TSEN15: variants seen among roughly 807,000 people sequenced by gnomAD.
TSEN15 encodes the protein tRNA-splicing endonuclease subunit Sen15.
TSEN15 carries 10 observed loss-of-function variants against 20.5 expected under a neutral mutation model. That is an observed-to-expected ratio of 0.49 (90% CI 0.30 to 0.83). The LOEUF (loss-of-function observed/expected upper bound fraction) is 0.83. TSEN15 is among the 40% of genes least tolerant of loss of function. The pLI, the probability that TSEN15 is intolerant of heterozygous loss-of-function variation, is 0.06. For missense variants in TSEN15, 180 were observed against 218.6 expected, an observed-to-expected ratio of 0.82 and a Z score of 1.11; for synonymous variants, 72 against 80.1, an observed-to-expected ratio of 0.90 and a Z score of 0.54.
At chr1:184,080,332 G>A (rs1047898207) in intron 3 of TSEN15, among the ~76,000 whole-genome samples, 2 of 152,192 alleles carry the variant, frequency 1.3e-5, no homozygotes, top group African/African-American at 4.8e-5. Flanking sequence ...GGCACAAGTG[G>A]TTAAGTAATA....
intron 3 of TSEN15, among the ~76,000 whole-genome samples, chr1:184,068,699 C>T (rs1040906689): frequency 6.6e-6 from 1 of 152,152 alleles, no homozygotes; most frequent in African/African-American, 2.4e-5. Context: ...GGGACTGAGC[C>T]TGTGGATGAA....
chr1:184,086,038 G>A (rs1651256021), intron 3 of TSEN15, among the ~76,000 whole-genome samples: 2 of 152,140 alleles, frequency 1.3e-5, no homozygotes, highest in South Asian at 2.1e-4. Context: ...TATCAACAGT[G>A]TTTTCCTCAG....
At chr1:184,072,534 A>G (rs2102895654) in intron 4 of TSEN15, 1 of 550,356 alleles carries the variant, frequency 1.8e-6, no homozygotes, top group South Asian at 2.9e-5. Context: ...GGAGAATTTC[A>G]TGGTTTTCCA....
intron 3 of TSEN15, among the ~76,000 whole-genome samples, chr1:184,067,017 TATG>T (rs1240481857): frequency 6.6e-6 from 1 of 152,244 alleles, no homozygotes; most frequent in Non-Finnish European, 1.5e-5. Context: ...ATTTATCTTT[TATG>T]ATGCTGATGT....
chr1:184,054,424 A>G lies in TSEN15; in HGVS notation c.206A>G (p.Asp69Gly). 1 of 1,608,734 alleles carries G rather than the reference A, an allele frequency of 6.2e-7. No homozygotes were observed. Among genetic ancestry groups the G allele is most frequent in the Non-Finnish European group, 8.5e-7 (1 of 1,175,472 alleles). Reference protein sequence around the residue: ...QVYVAFLVYLDLMESKSWHEV... With the variant: ...QVYVAFLVYLGLMESKSWHEV... Reference sequence around the variant, plus strand: ...TATGTAGCGTTCTTGGTTTACCTGGACCTCATGGAAAGTAAGTTGTTTGTT... The same window carrying G: ...TATGTAGCGTTCTTGGTTTACCTGGGCCTCATGGAAAGTAAGTTGTTTGTT... Residue 69 changes from aspartate (D) to glycine (G), a missense_variant, in exon 2 of 5, where the codon GAC (aspartate) becomes GGC (glycine). Physicochemically the swap from Asp to Gly is moderately conservative, Grantham distance 94 (BLOSUM62 -1). Coordinates refer to ENST00000645668, the MANE Select transcript of TSEN15 (RefSeq NM_052965.4).
At chr1:184,082,088 T>A (rs922492065) in intron 3 of TSEN15, among the ~76,000 whole-genome samples, 39 of 152,272 alleles carry the variant, frequency 2.6e-4, no homozygotes, top group Middle Eastern at 6.8e-3. Context: ...TGGCAACTCT[T>A]CTGGGATGGA....
Position 184,072,149 on chromosome 1 carries a change from A to AT in TSEN15, c.354-4dup. The AT allele has an allele frequency of 6.2e-7, 1 of 1,612,552 alleles. No individual in the cohort carries two copies. Among genetic ancestry groups the AT allele is most frequent in the Non-Finnish European group, 8.5e-7 (1 of 1,179,244 alleles). ...CAACTCCTAAGTATATTGTGACTTT[A>AT]TTTTCAGGATAAGGGAGATCTTGAA... On this transcript the variant is annotated splice_polypyrimidine_tract_variant and splice_region_variant and intron_variant, in intron 3 of 4. Coordinates refer to ENST00000645668, the MANE Select transcript of TSEN15 (RefSeq NM_052965.4).
chr1:184,067,941 AAT>A (rs58463457), intron 3 of TSEN15, among the ~76,000 whole-genome samples: 7,825 of 94,100 alleles, frequency 0.083, 570 homozygotes, highest in Middle Eastern at 0.18. Context: ...AAAAAAAAAA[AAT>A]ATATATATAT....
intron 3 of TSEN15, chr1:184,058,229 AATG>A: frequency 2.4e-6 from 1 of 423,394 alleles, no homozygotes; most frequent in Non-Finnish European, 4.7e-6. Context: ...AATTAGTTGG[AATG>A]ATAACTTGGT....
At chr1:184,074,286 C>T (rs1427986381), downstream of TSEN15, 1 of 152,238 alleles carries the variant, frequency 6.6e-6, no homozygotes, top group East Asian at 1.9e-4. Flanking sequence ...CTTAAAACAG[C>T]ACACATTTAT....
chr1:184,088,148 C>G (rs549811125), intron 3 of TSEN15, among the ~76,000 whole-genome samples: 7 of 152,188 alleles, frequency 4.6e-5, no homozygotes, highest in Non-Finnish European at 1.0e-4. Flanking sequence ...TGGGCACCAG[C>G]CAGGGAGGTC....
At chr1:184,079,092 C>G (rs1651116583), downstream of TSEN15, among the ~76,000 whole-genome samples, 1 of 152,174 alleles carries the variant, frequency 6.6e-6, no homozygotes, top group East Asian at 1.9e-4. Context: ...TCCCTTCTTT[C>G]TGGCCAATAA....
At chr1:184,091,607 G>A (rs190375262) in intron 3 of TSEN15, among the ~76,000 whole-genome samples, 175 of 152,210 alleles carry the variant, frequency 1.1e-3, no homozygotes, top group African/African-American at 4.2e-3. Context: ...GAATGTAAGA[G>A]CTGTGTGTCA....
At chr1:184,069,109 A>C (rs1194744072) in intron 3 of TSEN15, among the ~76,000 whole-genome samples, 2 of 152,132 alleles carry the variant, frequency 1.3e-5, no homozygotes, top group Non-Finnish European at 2.9e-5. Context: ...TTAACTGTGT[A>C]TTTGCTTCAG....
chr1:184,075,969 A>G (rs1241521841), downstream of TSEN15, among the ~76,000 whole-genome samples: 2 of 150,668 alleles, frequency 1.3e-5, no homozygotes, highest in Non-Finnish European at 3.0e-5. Context: ...CTAAAAGCCT[A>G]ATTTATCCTG....
At chr1:184,053,165 GACC>G in intron 1 of TSEN15, among the ~76,000 whole-genome samples, 1 of 152,090 alleles carries the variant, frequency 6.6e-6, no homozygotes, top group East Asian at 1.9e-4. Flanking sequence ...TATACACCTT[GACC>G]ATCAAATCTC....
intron 4 of TSEN15, 178 bp from the exon 5 acceptor site, chr1:184,072,649 T>C (rs1246044681): frequency 9.3e-6 from 6 of 644,886 alleles, no homozygotes; most frequent in Non-Finnish European, 1.6e-5. Flanking sequence ...ATTTAAGAAA[T>C]GTTAAATTGG....
chr1:184,069,935 C>CAAATA (rs1394851117), intron 3 of TSEN15, among the ~76,000 whole-genome samples: 2 of 151,958 alleles, frequency 1.3e-5, no homozygotes, highest in Non-Finnish European at 2.9e-5. Context: ...AATCACCGCC[C>CAAATA]CCTCCAACCA....
At position 184,090,941 on chromosome 1, in the gene TSEN15, A is replaced by G. The variant is rs540177542; in HGVS notation, c.354-4749A>G. Among the ~76,000 whole-genome samples, 9 of 152,244 alleles carry G rather than the reference A, an allele frequency of 5.9e-5. No individual in the cohort carries two copies. The East Asian group carries it at 1.7e-3, about 29-fold the overall frequency. On this transcript the variant is annotated intron_variant, in intron 3 of 3. Coordinates refer to the TSEN15 transcript ENST00000643231. ...CAGCTCCCTCAGGGACATATTGGAG[A>G]GGGAGGGCTGAGGTTTACAAAATGA...
Sources: allele counts gnomAD v4.1 joint callset (sites outside exome capture counted in the v4.1 genomes callset), GRCh38; gene constraint gnomAD v4.1.1; transcripts MANE v1.5; gene names NCBI Gene and HGNC (gene_info 2026-07-23, HGNC 2026-07-21).